The following SOX5 variants were observed in gnomAD, a reference collection of about 807,000 sequenced individuals.
SOX5 encodes SRY-box transcription factor 5, also known as transcription factor SOX-5.
Under a neutral mutation model 92.0 loss-of-function variants are expected in SOX5, and 9 were observed. The observed-to-expected ratio is 0.10, with a 90% CI of 0.06 to 0.17. The LOEUF (loss-of-function observed/expected upper bound fraction) is 0.17, where lower values mean the gene tolerates loss of function less well. Among genes scored for constraint, SOX5 ranks in the 10% least tolerant of loss-of-function variants. SOX5 has a pLI of 1.00. For synonymous variants in SOX5, 344 were observed against 336.3 expected, an observed-to-expected ratio of 1.02 and a Z score of -0.25; for missense variants, 642 against 944.5, an observed-to-expected ratio of 0.68 and a Z score of 4.20.
chr12:24,535,344 A>G (rs900089963), intron 1 of SOX5, among the ~76,000 whole-genome samples: 10 of 152,228 alleles, frequency 6.6e-5, no homozygotes, highest in South Asian at 2.1e-4. Context: ...TTCTATTTAA[A>G]GTACAAATAC....
intron 1 of SOX5, among the ~76,000 whole-genome samples, chr12:24,439,299 G>T (rs1260218614): frequency 2.6e-5 from 4 of 152,176 alleles, no homozygotes; most frequent in African/African-American, 9.7e-5. Flanking sequence ...TATATGTACT[G>T]GGGAAACATC....
chr12:24,411,271 T>A (rs1439690276), intron 1 of SOX5, among the ~76,000 whole-genome samples: 1 of 152,144 alleles, frequency 6.6e-6, no homozygotes, highest in East Asian at 1.9e-4. Flanking sequence ...GGGACAGTTT[T>A]ATTTTTGTCC....
intron 2 of SOX5, among the ~76,000 whole-genome samples, chr12:24,287,844 C>T (rs543416137): frequency 1.3e-5 from 2 of 151,898 alleles, no homozygotes; most frequent in East Asian, 1.9e-4. Flanking sequence ...CTTACGAGAC[C>T]CCAAATCACA....
intron 7 of SOX5, among the ~76,000 whole-genome samples, chr12:23,648,817 G>C (rs979824535): frequency 6.6e-6 from 1 of 152,064 alleles, no homozygotes. Context: ...CAATATATTT[G>C]GTGTCTAAGT....
chr12:24,075,010 C>T (rs1317099358), intron 4 of SOX5, among the ~76,000 whole-genome samples: 1 of 151,548 alleles, frequency 6.6e-6, no homozygotes, highest in East Asian at 1.9e-4. Context: ...CCCTATAATC[C>T]CAGCACTTTG....
chr12:24,455,008 C>T (rs1270687192), intron 1 of SOX5, among the ~76,000 whole-genome samples: 1 of 152,196 alleles, frequency 6.6e-6, no homozygotes, highest in Non-Finnish European at 1.5e-5. Flanking sequence ...GAGCCTCACA[C>T]CTCGTTTATC....
chr12:24,029,091 C>A (rs1955202117), intron 4 of SOX5, among the ~76,000 whole-genome samples: 1 of 151,842 alleles, frequency 6.6e-6, no homozygotes, highest in Non-Finnish European at 1.5e-5. Flanking sequence ...GGAGACACAG[C>A]AAAATTATTT....
chr12:23,584,709 C>G (rs988054200), intron 9 of SOX5: 27 of 745,986 alleles, frequency 3.6e-5, no homozygotes, highest in African/African-American at 5.2e-5. Flanking sequence ...AGGCACAGAA[C>G]CTTGGAGAAG....
intron 1 of SOX5, among the ~76,000 whole-genome samples, chr12:24,488,408 C>A (rs59885838): frequency 0.026 from 3,891 of 152,090 alleles, 134 homozygotes; most frequent in African/African-American, 0.087. Context: ...GGCAACATAA[C>A]AAGACCCTGT....
chr12:24,197,707 C>T (rs1323824370), intron 4 of SOX5, among the ~76,000 whole-genome samples: 1 of 152,170 alleles, frequency 6.6e-6, no homozygotes, highest in African/African-American at 2.4e-5. Context: ...TACCAGCCCT[C>T]TTGTGAGCAT....
chr12:24,323,284 G>C (rs982048252), intron 2 of SOX5, among the ~76,000 whole-genome samples: 3 of 150,038 alleles, frequency 2.0e-5, no homozygotes, highest in Non-Finnish European at 4.4e-5. Flanking sequence ...AACAGGTAAG[G>C]GTATGTAGCT....
At chr12:24,012,801 G>A (rs996826770) in intron 4 of SOX5, among the ~76,000 whole-genome samples, 1 of 152,118 alleles carries the variant, frequency 6.6e-6, no homozygotes, top group African/African-American at 2.4e-5. Context: ...AAGGTCTTGG[G>A]TGAACAGGGG....
chr12:23,867,857 A>G (rs2096831681), intron 2 of SOX5, among the ~76,000 whole-genome samples: 1 of 151,834 alleles, frequency 6.6e-6, no homozygotes, highest in Non-Finnish European at 1.5e-5. Flanking sequence ...CATACAAAAC[A>G]CTATTAACAT....
At chr12:23,534,729 G>A (rs1178494070) in intron 14 of SOX5, among the ~76,000 whole-genome samples, 2 of 105,690 alleles carry the variant, frequency 1.9e-5, no homozygotes, top group East Asian at 3.0e-4. Flanking sequence ...TTTTTGAGAT[G>A]ACGTAGTTTC....
At chr12:24,006,586 C>A (rs1376106589) in intron 4 of SOX5, among the ~76,000 whole-genome samples, 1 of 152,008 alleles carries the variant, frequency 6.6e-6, no homozygotes, top group Non-Finnish European at 1.5e-5. Context: ...CTGTGCCACT[C>A]CTTCCAGGAT....
At chr12:24,130,881 T>C (rs1273125399) in intron 4 of SOX5, among the ~76,000 whole-genome samples, 1 of 152,196 alleles carries the variant, frequency 6.6e-6, no homozygotes, top group African/African-American at 2.4e-5. Context: ...CTCATTTCTA[T>C]TCTACATACC....
At position 24,167,561 on chromosome 12, in the gene SOX5, G is replaced by A. The variant is rs147461146; in HGVS notation, c.-2+45782C>T. 3.1e-3 allele frequency among the ~76,000 whole-genome samples: 474 copies of A among 152,144 alleles called. 1 individual carries two copies. Among genetic ancestry groups the A allele is most frequent in the Non-Finnish European group, 5.2e-3 (351 of 68,006 alleles). On this transcript the variant is annotated intron_variant, in intron 4 of 4. Coordinates refer to the SOX5 transcript ENST00000446891. ...ATGTGTCCCCTTCCACTCTTTCTCCGGACTCTGCCACATTCTAAGAATTCT... is the reference window on the plus strand; with the variant it reads ...ATGTGTCCCCTTCCACTCTTTCTCCAGACTCTGCCACATTCTAAGAATTCT...
intron 6 of SOX5, among the ~76,000 whole-genome samples, chr12:23,713,303 C>T (rs1374141659): frequency 2.0e-5 from 3 of 152,200 alleles, no homozygotes. Context: ...CTATCAACAA[C>T]TTGATTTCAG....
chr12:24,099,938 G>A (rs1945888331), intron 4 of SOX5, among the ~76,000 whole-genome samples: 1 of 152,118 alleles, frequency 6.6e-6, no homozygotes, highest in Non-Finnish European at 1.5e-5. Flanking sequence ...AAATTTTGAT[G>A]TGATGAGCTC....
Sources: allele counts gnomAD v4.1 joint callset (sites outside exome capture counted in the v4.1 genomes callset), GRCh38; gene constraint gnomAD v4.1.1; transcripts MANE v1.5; gene names NCBI Gene and HGNC (gene_info 2026-07-23, HGNC 2026-07-21).